Variants in MMP16 observed in about 807,000 individuals in gnomAD.
MMP16 encodes the protein matrix metallopeptidase 16.
Under a neutral mutation model 67.8 loss-of-function variants are expected in MMP16, and 12 were observed. The observed-to-expected ratio is 0.18, with a 90% CI of 0.11 to 0.29. MMP16 has a LOEUF of 0.29. Ranked by LOEUF, MMP16 falls within the 10% of genes least tolerant of loss-of-function variation. MMP16 has a pLI of 1.00. For synonymous variants in MMP16, 249 were observed against 255.9 expected, an observed-to-expected ratio of 0.97 and a Z score of 0.26; for missense variants, 475 against 765.7, an observed-to-expected ratio of 0.62 and a Z score of 4.48.
intron 1 of MMP16, among the ~76,000 whole-genome samples, chr8:88,260,214 T>C (rs1243617026): frequency 6.6e-6 from 1 of 152,174 alleles, no homozygotes; most frequent in Non-Finnish European, 1.5e-5. Flanking sequence ...ACAAAAAAAT[T>C]TGAGTATATT....
chr8:88,297,326 G>A (rs1563587894), intron 1 of MMP16, among the ~76,000 whole-genome samples: 1 of 152,306 alleles, frequency 6.6e-6, no homozygotes, highest in East Asian at 1.9e-4. Context: ...AAGCCCTGTA[G>A]AAGTGTTCTC....
chr8:88,134,559 T>G (rs1808085977), intron 4 of MMP16, among the ~76,000 whole-genome samples: 1 of 151,632 alleles, frequency 6.6e-6, no homozygotes, highest in South Asian at 2.1e-4. Context: ...TATTATACAC[T>G]GTCAAAGATT....
Position 88,116,487 on chromosome 8 carries a change from A to G in MMP16, c.1083+20T>C. ...GACACTTGATCTACTGTTAAAAAAA[A>G]AAAAATCACAGTCTCCTACCTTGAA... is the stretch of plus-strand genomic sequence containing the variant. On this transcript the variant is annotated intron_variant, in intron 6 of 9. Coordinates refer to ENST00000286614, the MANE Select transcript of MMP16 (RefSeq NM_005941.5). The G allele has an allele frequency of 6.2e-7, 1 of 1,606,202 alleles. No homozygotes were observed. The highest frequency in any genetic ancestry group is 8.5e-7 in the Non-Finnish European group (1 of 1,175,152).
At chr8:88,108,288 T>C (rs1809276466) in intron 6 of MMP16, among the ~76,000 whole-genome samples, 1 of 151,196 alleles carries the variant, frequency 6.6e-6, no homozygotes, top group Admixed American at 6.6e-5. Flanking sequence ...TAGAAAGTGT[T>C]GGAGAAACGG....
intron 4 of MMP16, among the ~76,000 whole-genome samples, chr8:88,166,088 A>T (rs188729162): frequency 9.5e-4 from 145 of 152,116 alleles, no homozygotes; most frequent in Non-Finnish European, 1.7e-3. Flanking sequence ...AACTCAACCT[A>T]ATTTATCCTA....
chr8:88,117,744 A>C (rs1257150602), intron 5 of MMP16, among the ~76,000 whole-genome samples: 1 of 152,042 alleles, frequency 6.6e-6, no homozygotes, highest in Non-Finnish European at 1.5e-5. Context: ...TGAGTTATTA[A>C]AATTAAAAAA....
intron 6 of MMP16, among the ~76,000 whole-genome samples, chr8:88,103,178 G>A (rs903508951): frequency 1.2e-4 from 18 of 151,582 alleles, no homozygotes; most frequent in African/African-American, 3.1e-4. Flanking sequence ...CTTTACACCC[G>A]CACATGCAGA....
chr8:88,073,955 T>C (rs1808603854), intron 7 of MMP16, among the ~76,000 whole-genome samples: 2 of 152,190 alleles, frequency 1.3e-5, no homozygotes, highest in Admixed American at 1.3e-4. Context: ...TGTGTTTTCT[T>C]TCACAGATAT....
chr8:88,235,663 T>C (rs1355046359), intron 1 of MMP16, among the ~76,000 whole-genome samples: 1 of 152,108 alleles, frequency 6.6e-6, no homozygotes, highest in African/African-American at 2.4e-5. Flanking sequence ...TAGAAAGCTT[T>C]GTCTAGCTTG....
At chr8:88,139,113 T>C (rs967628138) in intron 4 of MMP16, among the ~76,000 whole-genome samples, 68 of 152,174 alleles carry the variant, frequency 4.5e-4, no homozygotes, top group Admixed American at 2.2e-3. Context: ...GTTCAGATGC[T>C]GACATTGTCT....
Position 88,046,736 on chromosome 8 carries a change from G to A in MMP16, c.1422C>T (p.Pro474=), listed in dbSNP as rs766663475. ...EEMKTMDPGY[P]KPITVWKGIP... is the part of the protein sequence containing the mutation. ...TCCCTTTCCAGACTGTGATTGGCTT[G>A]GGATAGCCAGGGTCCATTGTTTTCA... The change falls in exon 9 of 10, where the codon CCC becomes CCT. Residue 474 remains proline (P), a synonymous_variant. Coordinates refer to ENST00000286614, the MANE Select transcript of MMP16 (RefSeq NM_005941.5). The A allele has an allele frequency of 6.2e-7, 1 of 1,610,914 alleles. No individual in the cohort carries two copies. The highest frequency in any genetic ancestry group is 8.5e-7 in the Non-Finnish European group (1 of 1,179,096).
At chr8:88,292,309 T>C (rs945151796) in intron 1 of MMP16, among the ~76,000 whole-genome samples, 3 of 152,220 alleles carry the variant, frequency 2.0e-5, no homozygotes, top group African/African-American at 7.2e-5. Context: ...TGTGGGATTA[T>C]GGATCCCCTT....
chr8:88,250,705 C>T (rs761867091), intron 1 of MMP16, among the ~76,000 whole-genome samples: 1 of 151,630 alleles, frequency 6.6e-6, no homozygotes, highest in Non-Finnish European at 1.5e-5. Context: ...GAGAAATTTA[C>T]CAAAGTAGCC....
At chr8:88,118,380 CATTT>C (rs1335776434) in intron 5 of MMP16, among the ~76,000 whole-genome samples, 4 of 151,684 alleles carry the variant, frequency 2.6e-5, no homozygotes, top group Non-Finnish European at 4.4e-5. Flanking sequence ...TTGTTACATT[CATTT>C]ATTACATATT....
intron 6 of MMP16, among the ~76,000 whole-genome samples, chr8:88,096,220 A>C (rs1464914323): frequency 6.6e-6 from 1 of 151,948 alleles, no homozygotes; most frequent in Non-Finnish European, 1.5e-5. Context: ...AGTTTCATTG[A>C]AAGAATATTA....
intron 4 of MMP16, among the ~76,000 whole-genome samples, chr8:88,131,464 A>G (rs1808028873): frequency 6.6e-6 from 1 of 151,802 alleles, no homozygotes; most frequent in Non-Finnish European, 1.5e-5. Flanking sequence ...ATACAGCAAG[A>G]ATATATTGTC....
chr8:88,166,726 T>TATAG, intron 4 of MMP16, among the ~76,000 whole-genome samples: 2 of 132,228 alleles, frequency 1.5e-5, no homozygotes, highest in Non-Finnish European at 3.2e-5. Flanking sequence ...TATATATATA[T>TATAG]ATATTCTTAA....
intron 4 of MMP16, 36 bp downstream of exon 4, chr8:88,167,633 A>G: frequency 1.3e-6 from 2 of 1,502,916 alleles, no homozygotes; most frequent in African/African-American, 1.4e-5. Context: ...AAATAATAAT[A>G]GAAATATTTA....
At chr8:88,165,996 G>T (rs1586185307) in intron 4 of MMP16, among the ~76,000 whole-genome samples, 1 of 151,922 alleles carries the variant, frequency 6.6e-6, no homozygotes, top group Admixed American at 6.6e-5. Flanking sequence ...TCACCTTACT[G>T]CTATATACTT....
Sources: allele counts gnomAD v4.1 joint callset (sites outside exome capture counted in the v4.1 genomes callset), GRCh38; gene constraint gnomAD v4.1.1; transcripts MANE v1.5; gene names NCBI Gene and HGNC (gene_info 2026-07-23, HGNC 2026-07-21).